Variants in PTGR1 observed in about 807,000 individuals in gnomAD.
PTGR1 encodes the protein prostaglandin reductase 1, also known as 15-oxoprostaglandin 13-reductase.
Under a neutral mutation model 37.7 loss-of-function variants are expected in PTGR1, and 23 were observed. The ratio of observed to expected loss-of-function variants is 0.61; its 90% CI spans 0.44 to 0.86. The LOEUF (loss-of-function observed/expected upper bound fraction) is 0.86. PTGR1 is among the 40% of genes least tolerant of loss of function. The pLI is 0.00. For synonymous variants in PTGR1, 134 were observed against 140.0 expected (o/e 0.96, Z 0.30); for missense variants, 351 against 394.3 (o/e 0.89, Z 0.93).
At position 111,593,286 on chromosome 9, in the gene PTGR1, A is replaced by T. The variant is rs1338417128; in HGVS notation, c.153-304T>A. 2.0e-5 allele frequency among the ~76,000 whole-genome samples: 3 copies of T among 152,176 alleles called. No homozygotes were observed. In the East Asian group the frequency reaches 5.8e-4, roughly 29 times the overall value. On this transcript the variant is annotated intron_variant, in intron 3 of 9. Transcript: ENST00000407693. ...AAGTAAAGATGAATTTCTACCAATG[A>T]CTTTAAAAATAGAACCCAGGCACCA...
In PTGR1 at chr9:111,583,487, C is replaced by A. The variant is rs764897605; in HGVS notation, c.480G>T (p.Gln160His). The A allele has an allele frequency of 9.9e-6, 16 of 1,611,038 alleles. No individual in the cohort carries two copies. Among genetic ancestry groups the A allele is most frequent in the Non-Finnish European group, 1.3e-5 (15 of 1,177,330 alleles). The change falls in exon 6 of 10, where the codon CAG becomes CAT. Residue 160 changes from glutamine (Q) to histidine (H), a missense_variant. By Grantham distance (24) the Gln-to-His change is conservative. Transcript: ENST00000407693. ...AGGCACTTACCTTGAGCTTTGCAAT[C>A]TGCCCCACGACTGAGCCCACAGCTC... is the stretch of plus-strand genomic sequence containing the variant. ...AAGAVGSVVG[Q>H]IAKLKGCKVV...
At chr9:111,575,524 A>G (rs1010939348) in intron 7 of PTGR1, 1 of 152,248 alleles carries the variant, frequency 6.6e-6, no homozygotes, top group African/African-American at 2.4e-5. Context: ...ACAAAGCTAA[A>G]TTAATTAAGA....
chr9:111,596,777 AT>A (rs1044223747), intron 2 of PTGR1, among the ~76,000 whole-genome samples: 1 of 150,088 alleles, frequency 6.7e-6, no homozygotes, highest in African/African-American at 2.5e-5. Flanking sequence ...AAATACAAAA[AT>A]TAGGGGGGCA....
intron 5 of PTGR1, among the ~76,000 whole-genome samples, chr9:111,585,376 G>A (rs1239368453): frequency 6.6e-6 from 1 of 152,186 alleles, no homozygotes; most frequent in Admixed American, 6.5e-5. Context: ...CAGAGGGAAG[G>A]ATGAGCAGGA....
chr9:111,562,051 A>G (rs1415839955), downstream of PTGR1, among the ~76,000 whole-genome samples: 6 of 151,960 alleles, frequency 3.9e-5, no homozygotes, highest in Non-Finnish European at 7.4e-5. Context: ...ATGCCCAGCT[A>G]ATTTTTGTAT....
chr9:111,578,590 G>A (rs184301988), intron 7 of PTGR1, among the ~76,000 whole-genome samples: 55 of 152,138 alleles, frequency 3.6e-4, no homozygotes, highest in African/African-American at 1.1e-3. Context: ...GAGAAGAGGC[G>A]GAGCTCAGGC....
rs574805281 is a variant in PTGR1 at position 111,587,166 on chromosome 9, G to A, written c.210-1001C>T. Among the ~76,000 whole-genome samples the A allele has an allele frequency of 7.9e-5, 12 of 152,074 alleles. No individual in the cohort carries two copies. In the South Asian group the frequency reaches 2.5e-3, roughly 32 times the overall value. On this transcript the variant is annotated intron_variant, in intron 4 of 9. Transcript: ENST00000407693. The stretch of plus-strand genomic sequence containing the variant: ...GGTCACCCAAAAGTCTTCCCTCATT[G>A]GTTCCCAGGGTACTGATCTCTGCTG...
At chr9:111,561,296 C>T (rs1479290667), downstream of PTGR1, among the ~76,000 whole-genome samples, 1 of 151,406 alleles carries the variant, frequency 6.6e-6, no homozygotes, top group East Asian at 1.9e-4. Context: ...TTTTTTTAGA[C>T]ACAGGGTCTT....
intron 2 of PTGR1, 117 bp from the exon 3 acceptor site, chr9:111,594,384 A>T: frequency 1.2e-6 from 1 of 812,518 alleles, no homozygotes; most frequent in Non-Finnish European, 2.1e-6. Context: ...GAAACCACCC[A>T]TGAGGTACCA....
chr9:111,559,343 T>C (rs1272338213), downstream of PTGR1, among the ~76,000 whole-genome samples: 1 of 152,142 alleles, frequency 6.6e-6, no homozygotes, highest in South Asian at 2.1e-4. Flanking sequence ...CTTTGACTCC[T>C]CACACCAGGC....
At chr9:111,556,098 AG>A (rs1479324175) in intron 9 of PTGR1, among the ~76,000 whole-genome samples, 1 of 152,200 alleles carries the variant, frequency 6.6e-6, no homozygotes, top group Admixed American at 6.5e-5. Flanking sequence ...TCCCATTCCA[AG>A]GAGGAGAGAT....
At position 111,570,188 on chromosome 9, in the gene PTGR1, A is replaced by T; in HGVS notation, c.782T>A (p.Ile261Asn). 1 of 1,613,966 alleles carries T rather than the reference A, an allele frequency of 6.2e-7. No homozygotes were observed. The highest frequency in any genetic ancestry group is 8.5e-7 in the Non-Finnish European group (1 of 1,179,984). The change falls in exon 9 of 10, where the codon ATC (isoleucine) becomes AAC (asparagine). Residue 261 changes from isoleucine to asparagine, a missense_variant. By Grantham distance (149) the Ile-to-Asn change is moderately radical. Coordinates refer to ENST00000407693, the MANE Select transcript of PTGR1 (RefSeq NM_001146108.2). Reference protein sequence around the residue: ...LPPGPPPEIVIYQELRMEAFV... With the variant: ...LPPGPPPEIVNYQELRMEAFV... ...AGCTTCCATGCGAAGCTCCTGATAG[A>T]TAACAATCTCTGGGGGTGGGCCTGT...
At chr9:111,595,578 C>A (rs1337120767) in intron 2 of PTGR1, among the ~76,000 whole-genome samples, 3 of 152,092 alleles carry the variant, frequency 2.0e-5, no homozygotes, top group Admixed American at 1.3e-4. Flanking sequence ...TACTTGATTG[C>A]GTCCCCTTTT....
chr9:111,569,662 G>A (rs982983317), intron 9 of PTGR1, among the ~76,000 whole-genome samples: 5 of 152,194 alleles, frequency 3.3e-5, no homozygotes, highest in African/African-American at 4.8e-5. Context: ...CTACTCGGGA[G>A]GCTGAGGCAT....
chr9:111,589,493 G>GA, intron 4 of PTGR1: 2 of 409,016 alleles, frequency 4.9e-6, no homozygotes, highest in Non-Finnish European at 6.6e-6. Context: ...CTGAATTCAA[G>GA]CAATCCATCC....
chr9:111,588,693 T>G (rs1217638275), intron 4 of PTGR1, among the ~76,000 whole-genome samples: 2 of 152,034 alleles, frequency 1.3e-5, no homozygotes, highest in Non-Finnish European at 2.9e-5. Flanking sequence ...GCCTGGCTAA[T>G]TTTTGTATTT....
chr9:111,572,756 CAAAAAAA>C (rs58101079), intron 8 of PTGR1, among the ~76,000 whole-genome samples: 12,578 of 63,634 alleles, frequency 0.2, 682 homozygotes, highest in East Asian at 0.48. Context: ...GACCCTGTCT[CAAAAAAA>C]AAAAAAAAAA....
At chr9:111,574,182 C>T (rs1377692081) in intron 8 of PTGR1, 1 of 152,162 alleles carries the variant, frequency 6.6e-6, no homozygotes, top group Admixed American at 6.6e-5. Context: ...CAAATCATCA[C>T]TGTCTTTTTA....
chr9:111,562,126 G>A (rs1178274115), downstream of PTGR1, among the ~76,000 whole-genome samples: 7 of 151,860 alleles, frequency 4.6e-5, no homozygotes, highest in East Asian at 1.9e-4. Context: ...CCTCGCCTCC[G>A]CCTCCAAAAG....
Sources: allele counts gnomAD v4.1 joint callset (sites outside exome capture counted in the v4.1 genomes callset), GRCh38; gene constraint gnomAD v4.1.1; transcripts MANE v1.5; gene names NCBI Gene and HGNC (gene_info 2026-07-23, HGNC 2026-07-21).